PCDHA1: variants seen among roughly 807,000 people sequenced by gnomAD.
PCDHA1 encodes the protein protocadherin alpha-1.
PCDHA1 carries 42 observed loss-of-function variants against 61.3 expected under a neutral mutation model. That is an observed-to-expected ratio of 0.69 (90% CI 0.54 to 0.89). The LOEUF (loss-of-function observed/expected upper bound fraction) is 0.89. Among genes scored for constraint, PCDHA1 ranks in the 40% least tolerant of loss-of-function variants. The probability of loss-of-function intolerance (pLI) is 0.00; values close to 1 mark genes in which losing one functional copy is unlikely to be tolerated. For synonymous variants in PCDHA1, 610 were observed against 553.8 expected (o/e 1.10, Z -1.43); for missense variants, 1,256 against 1,235.3 (o/e 1.02, Z -0.25).
chr5:141,011,190 T>C lies in PCDHA1; in HGVS notation c.*1253T>C, dbSNP rs1321258440. On this transcript the variant is annotated 3_prime_UTR_variant, in exon 4 of 4. Coordinates refer to ENST00000504120, the MANE Select transcript of PCDHA1 (RefSeq NM_018900.4). Reference sequence around the variant, plus strand: ...AAGACCCAAAAATTGAAGAAAAATATTGTTTTCTCATACAGTGAGCAGATT... The same window carrying C: ...AAGACCCAAAAATTGAAGAAAAATACTGTTTTCTCATACAGTGAGCAGATT... The C allele has an allele frequency of 1.3e-5, 2 of 153,748 alleles. No individual in the cohort carries two copies. The highest frequency in any genetic ancestry group is 1.9e-4 in the East Asian group (1 of 5,200). The allele number at this position is 153,748 out of a possible 1,614,324, so 9.5% of individuals were successfully genotyped here. A position where few individuals can be genotyped will look rare whatever the true frequency, so the allele number is the denominator to read the frequency against.
intron 1 of PCDHA1, chr5:140,803,545 G>T (rs777744369): frequency 1.9e-6 from 3 of 1,614,176 alleles, no homozygotes; most frequent in East Asian, 2.2e-5. Flanking sequence ...CCAATTAGCC[G>T]GGATAGAGAG....
At chr5:140,881,461 C>T (rs1428843491) in intron 1 of PCDHA1, 1 of 635,408 alleles carries the variant, frequency 1.6e-6, no homozygotes, top group Non-Finnish European at 2.0e-6. Context: ...AACCTTAGAG[C>T]ATTGTTGTGG....
rs782611663 is a variant in PCDHA1 at position 140,788,480 on chromosome 5, T to A, written c.2190T>A (p.Gly730=). 3 of 1,613,968 alleles carry A rather than the reference T, an allele frequency of 1.9e-6. No homozygotes were observed. Among genetic ancestry groups the A allele is most frequent in the Non-Finnish European group, 2.5e-6 (3 of 1,179,980 alleles). Residue 730 remains glycine, a synonymous_variant, in exon 1 of 4, where the codon GGT becomes GGA. Coordinates refer to ENST00000504120, the MANE Select transcript of PCDHA1 (RefSeq NM_018900.4). ...GGTGCTCAGTGCCGCCCACTGAGGGTGCGTATGTGCCGGGCAAGCCCACTC... is the reference window on the plus strand; with the variant it reads ...GGTGCTCAGTGCCGCCCACTGAGGGAGCGTATGTGCCGGGCAAGCCCACTC... ...ALRCSVPPTE[G]AYVPGKPTLV...
intron 1 of PCDHA1, among the ~76,000 whole-genome samples, chr5:140,839,959 T>C (rs1776495243): frequency 6.6e-6 from 1 of 151,872 alleles, no homozygotes; most frequent in South Asian, 2.1e-4. Context: ...ACATATTTTC[T>C]GTAAAATATG....
chr5:140,882,735 G>C, intron 1 of PCDHA1: 1 of 1,614,216 alleles, frequency 6.2e-7, no homozygotes, highest in Non-Finnish European at 8.5e-7. Flanking sequence ...CCACTAGATG[G>C]CGCATCCGAT....
rs2150128727 is a variant in PCDHA1, at chr5:140,823,745, C to G, written c.2394+35061C>G. On this transcript the variant is annotated intron_variant, in intron 1 of 3. Transcript: ENST00000504120. ...CTGGTGAAGGACCATGGAGAGCCCC[C>G]GCTGACAGCCACAGCCACAGTGCTG... 125 of 1,613,836 alleles carry G rather than the reference C, an allele frequency of 7.7e-5. No homozygotes were observed. In the South Asian group the frequency reaches 1.3e-3, roughly 17 times the overall value.
At position 140,829,434 on chromosome 5, in the gene PCDHA1, T is replaced by A. The variant is rs2150167866; in HGVS notation, c.2394+40750T>A. 3 of 1,613,976 alleles carry A rather than the reference T, an allele frequency of 1.9e-6. No homozygotes were observed. In the South Asian group the frequency reaches 3.3e-5, roughly 18 times the overall value. On this transcript the variant is annotated intron_variant, in intron 1 of 3. Transcript: ENST00000504120. ...AGCTTGTCTGTGGAGGTGGCCGACA[T>A]GAATGACAATGCTCCGGCGTTCGCG...
intron 1 of PCDHA1, among the ~76,000 whole-genome samples, chr5:140,937,615 T>TCAAAAAAAAAAAAAAAAAAAAAAAAA (rs1472779704): frequency 4.0e-5 from 6 of 149,436 alleles, no homozygotes; most frequent in African/African-American, 1.5e-4. Flanking sequence ...ATACTCCATC[T>TCAAAAAAAAAAAAAAAAAAAAAAAAA]AAAAAGAAAA....
At chr5:140,798,967 G>A (rs1407336849) in intron 1 of PCDHA1, among the ~76,000 whole-genome samples, 5 of 152,140 alleles carry the variant, frequency 3.3e-5, no homozygotes, top group Admixed American at 1.3e-4. Flanking sequence ...CCATTTCATA[G>A]TTAGGTCAGA....
chr5:140,972,540 T>G (rs1375467339), intron 1 of PCDHA1, among the ~76,000 whole-genome samples: 2 of 152,148 alleles, frequency 1.3e-5, no homozygotes, highest in Non-Finnish European at 2.9e-5. Flanking sequence ...AAATCACTTG[T>G]GCAGTGAGGA....
Position 140,809,291 on chromosome 5 carries a change from A to T in PCDHA1, c.2394+20607A>T, listed in dbSNP as rs782054971. 36 of 1,613,936 alleles carry T rather than the reference A, an allele frequency of 2.2e-5. No individual in the cohort carries two copies. Among genetic ancestry groups the T allele is most frequent in the Admixed American group, 2.2e-4 (13 of 60,012 alleles). On this transcript the variant is annotated intron_variant, in intron 1 of 3. Coordinates refer to ENST00000504120, the MANE Select transcript of PCDHA1 (RefSeq NM_018900.4). Reference sequence around the variant, plus strand: ...GGTGGATGTCAACGTATACCTGATCATTGCCATCTGCGCGGTGTCCAGCCT... The same window carrying T: ...GGTGGATGTCAACGTATACCTGATCTTTGCCATCTGCGCGGTGTCCAGCCT...
chr5:141,009,062 A>G (rs1466818539), intron 3 of PCDHA1, among the ~76,000 whole-genome samples: 1 of 152,240 alleles, frequency 6.6e-6, no homozygotes, highest in East Asian at 1.9e-4. Context: ...TCACAACTGT[A>G]TTCTTTAGGA....
At chr5:140,997,604 G>A (rs1271144424) in intron 3 of PCDHA1, among the ~76,000 whole-genome samples, 2 of 152,136 alleles carry the variant, frequency 1.3e-5, no homozygotes, top group East Asian at 1.9e-4. Flanking sequence ...ATTATGGGGC[G>A]CATGACTATA....
At chr5:140,805,090 G>A in intron 1 of PCDHA1, 7 of 1,592,872 alleles carry the variant, frequency 4.4e-6, no homozygotes, top group Non-Finnish European at 6.0e-6. Flanking sequence ...AATCCAGCTT[G>A]CCTCTTGAAA....
At chr5:140,971,743 A>G (rs979953004) in intron 1 of PCDHA1, among the ~76,000 whole-genome samples, 1 of 151,474 alleles carries the variant, frequency 6.6e-6, no homozygotes, top group African/African-American at 2.4e-5. Flanking sequence ...ACACATACAT[A>G]TATCTCATAT....
intron 1 of PCDHA1, among the ~76,000 whole-genome samples, chr5:140,844,363 T>A (rs1464433937): frequency 6.7e-6 from 1 of 149,592 alleles, no homozygotes; most frequent in Non-Finnish European, 1.5e-5. Context: ...GGAAGAGATT[T>A]GTAATCCTTC....
chr5:140,872,003 A>G (rs1314439086), intron 1 of PCDHA1, among the ~76,000 whole-genome samples: 1 of 152,202 alleles, frequency 6.6e-6, no homozygotes, highest in South Asian at 2.1e-4. Context: ...GGCTATTTAC[A>G]GGTGACCTGT....
At chr5:140,872,425 G>A (rs1280008446) in intron 1 of PCDHA1, among the ~76,000 whole-genome samples, 3 of 151,980 alleles carry the variant, frequency 2.0e-5, no homozygotes, top group African/African-American at 7.3e-5. Flanking sequence ...CCAAGAGTTC[G>A]AGGCCTGCCT....
chr5:140,929,080 A>T, intron 1 of PCDHA1: 1 of 1,614,180 alleles, frequency 6.2e-7, no homozygotes, highest in Non-Finnish European at 8.5e-7. Flanking sequence ...GTATGGAAGT[A>T]AGATGGTTTC....
Sources: gnomAD v4.1 joint callset for allele counts (sites outside exome capture counted in the v4.1 genomes callset) on GRCh38, gnomAD v4.1.1 for gene constraint, MANE v1.5 for transcripts, NCBI Gene and HGNC (gene_info 2026-07-23, HGNC 2026-07-21) for gene names.